Variants in LIN28A observed in about 807,000 individuals in gnomAD.
LIN28A encodes protein lin-28 homolog A.
In LIN28A, 11 loss-of-function variants were observed where a neutral mutation model predicts 21.1. The ratio of observed to expected loss-of-function variants is 0.52; its 90% CI spans 0.33 to 0.86. The LOEUF is 0.86. Ranked by LOEUF, LIN28A falls within the 40% of genes least tolerant of loss-of-function variation. The pLI, the probability that LIN28A is intolerant of heterozygous loss-of-function variation, is 0.03. For missense variants in LIN28A, 219 were observed against 279.8 expected, an observed-to-expected ratio of 0.78 and a Z score of 1.55; for synonymous variants, 111 against 108.7, an observed-to-expected ratio of 1.02 and a Z score of -0.13.
At chr1:26,416,540 T>C (rs370212892) in intron 2 of LIN28A, among the ~76,000 whole-genome samples, 1 of 152,180 alleles carries the variant, frequency 6.6e-6, no homozygotes, top group East Asian at 1.9e-4. Flanking sequence ...ACTGGCCACA[T>C]AGTCAGAGTG....
chr1:26,414,955 T>G (rs2074984493), intron 2 of LIN28A, among the ~76,000 whole-genome samples: 1 of 152,172 alleles, frequency 6.6e-6, no homozygotes, highest in Non-Finnish European at 1.5e-5. Flanking sequence ...TCATCAAGAA[T>G]TCAAAAATCC....
chr1:26,423,413 CTTTT>C (rs1202952934), intron 2 of LIN28A, among the ~76,000 whole-genome samples: 28 of 78,816 alleles, frequency 3.6e-4, no homozygotes, highest in African/African-American at 1.2e-3. Context: ...TTTTCTTTTT[CTTTT>C]TTTTTTTTTT....
chr1:26,414,075 C>T (rs551320915), intron 2 of LIN28A, among the ~76,000 whole-genome samples: 4 of 152,058 alleles, frequency 2.6e-5, no homozygotes, highest in South Asian at 2.1e-4. Flanking sequence ...ATGATCCGCC[C>T]GCCTTGGCCT....
intron 2 of LIN28A, among the ~76,000 whole-genome samples, chr1:26,423,354 T>G (rs1194905548): frequency 6.6e-6 from 1 of 151,504 alleles, no homozygotes; most frequent in Non-Finnish European, 1.5e-5. Flanking sequence ...CCTATTCTGT[T>G]TGTTTGGTTT....
At position 26,411,003 on chromosome 1, in the gene LIN28A, G is replaced by A; in HGVS notation, c.31+81G>A. 1.3e-6 allele frequency: 2 copies of A among 1,530,096 alleles called. No homozygotes were observed. The highest frequency in any genetic ancestry group is 8.8e-7 in the Non-Finnish European group (1 of 1,135,308). 94.8% of individuals were successfully genotyped at this position (1,530,096 alleles called of 1,614,324 possible). A position where few individuals can be genotyped will look rare whatever the true frequency, so the allele number is the denominator to read the frequency against. On this transcript the variant is annotated intron_variant, in intron 1 of 3. Coordinates refer to ENST00000326279, the MANE Select transcript of LIN28A (RefSeq NM_024674.6). This position sits in a 1 kb window ranked among gnomAD's most constrained non-coding sequence, Gnocchi z 5.4. ...ACGTAGAAGGGAGGTGGGGAACTGAGTCCTAGGCTGCCCAAAGGACCCCAA... is the reference window on the plus strand; with the variant it reads ...ACGTAGAAGGGAGGTGGGGAACTGAATCCTAGGCTGCCCAAAGGACCCCAA...
chr1:26,410,844 A>G lies in LIN28A; in HGVS notation c.-48A>G, dbSNP rs201666290. On this transcript the variant is annotated 5_prime_UTR_variant, in exon 1 of 4. Transcript: ENST00000326279. Reference sequence around the variant, plus strand: ...TTTGCCTTCGGACTTCTCCGGGGCCAGCAGCCGCCCGACCAGGGGCCCGGG... The same window carrying G: ...TTTGCCTTCGGACTTCTCCGGGGCCGGCAGCCGCCCGACCAGGGGCCCGGG... 1 of 1,606,422 alleles carries G rather than the reference A, an allele frequency of 6.2e-7. No homozygotes were observed. The highest frequency in any genetic ancestry group is 1.7e-4 in the Middle Eastern group (1 of 5,968).
intron 2 of LIN28A, among the ~76,000 whole-genome samples, chr1:26,415,107 A>G (rs1194214073): frequency 6.6e-6 from 1 of 152,208 alleles, no homozygotes; most frequent in African/African-American, 2.4e-5. Context: ...ATATGTTTCA[A>G]TCTCAAATAT....
intron 2 of LIN28A, among the ~76,000 whole-genome samples, chr1:26,412,003 GGAGA>G (rs1376841652): frequency 6.6e-6 from 1 of 152,232 alleles, no homozygotes. Context: ...TCAGAAGGCG[GGAGA>G]GAGTGAGGGC....
Position 26,411,300 on chromosome 1 carries a change from G to C in LIN28A, c.32-86G>C. On this transcript the variant is annotated intron_variant, in intron 1 of 3. Transcript: ENST00000326279. The surrounding 1 kb of genome is among the most constrained non-coding windows in gnomAD (Gnocchi z 5.4). ...TCCTGGCTGTCCACTTGTGGGGCTG[G>C]ATACTCGGGTCTCCCTGCCTGGGGC... 3 of 1,303,096 alleles carry C rather than the reference G, an allele frequency of 2.3e-6. No individual in the cohort carries two copies. The highest frequency in any genetic ancestry group is 3.1e-6 in the Non-Finnish European group (3 of 976,376). 80.7% of individuals were successfully genotyped at this position (1,303,096 alleles called of 1,614,324 possible).
At chr1:26,421,687 C>G (rs1422618898) in intron 2 of LIN28A, among the ~76,000 whole-genome samples, 3 of 152,082 alleles carry the variant, frequency 2.0e-5, no homozygotes, top group Non-Finnish European at 4.4e-5. Flanking sequence ...AATTATTTTT[C>G]TTACCTATTG....
At chr1:26,413,682 G>A (rs2074975061) in intron 2 of LIN28A, among the ~76,000 whole-genome samples, 1 of 152,106 alleles carries the variant, frequency 6.6e-6, no homozygotes, top group African/African-American at 2.4e-5. Context: ...AATTCCCTGA[G>A]CCTTTACCTG....
intron 2 of LIN28A, among the ~76,000 whole-genome samples, chr1:26,418,766 C>T (rs1008440994): frequency 6.6e-6 from 1 of 152,058 alleles, no homozygotes; most frequent in Non-Finnish European, 1.5e-5. Flanking sequence ...TTGGTTCTAT[C>T]CATGAAGTGG....
rs771222348 is a variant in LIN28A, at chr1:26,411,430, G to T, written c.76G>T (p.Glu26Ter). ...AGAAGAGGCGCCCGAGGAGGCGCCG[G>T]AGGACGCGGCCCGGGCGGCGGACGA... ...AAEEAPEEAP[E>*]DAARAADEPQ... Residue 26 changes from glutamate to a stop codon, truncating the protein, a stop_gained, in exon 2 of 4, where the codon GAG (glutamate) becomes TAG (stop). Transcript: ENST00000326279. LOFTEE classifies it high-confidence loss of function. The surrounding 1 kb of genome is among the most constrained non-coding windows in gnomAD (Gnocchi z 5.4). 1 of 1,607,212 alleles carries T rather than the reference G, an allele frequency of 6.2e-7. No homozygotes were observed. Among genetic ancestry groups the T allele is most frequent in the African/African-American group, 1.3e-5 (1 of 74,856 alleles).
At chr1:26,414,938 C>T (rs765670674) in intron 2 of LIN28A, among the ~76,000 whole-genome samples, 69 of 152,140 alleles carry the variant, frequency 4.5e-4, no homozygotes, top group Non-Finnish European at 7.6e-4. Context: ...AACTATTTTC[C>T]TGAGATTCAT....
rs2075067082 is a variant in LIN28A, at chr1:26,427,532, C to G, written c.*1074C>G. On this transcript the variant is annotated 3_prime_UTR_variant, in exon 4 of 4. Coordinates refer to ENST00000326279, the MANE Select transcript of LIN28A (RefSeq NM_024674.6). ...TTAGTCTAAACAGGAAATGGTGGTACACAGAGGCTAGGAGAGGCTGGGCCC... is the reference window on the plus strand; with the variant it reads ...TTAGTCTAAACAGGAAATGGTGGTAGACAGAGGCTAGGAGAGGCTGGGCCC... The G allele has an allele frequency of 6.6e-6, 1 of 152,574 alleles. No homozygotes were observed. The highest frequency in any genetic ancestry group is 6.5e-5 in the Admixed American group (1 of 15,276). 9.5% of individuals were successfully genotyped at this position (152,574 alleles called of 1,614,324 possible). A position where few individuals can be genotyped will look rare whatever the true frequency, so the allele number is the denominator to read the frequency against.
rs753525399 is a variant in LIN28A at position 26,411,555 on chromosome 1, C to A, written c.201C>A (p.Asp67Glu). Residue 67 changes from aspartate to glutamate, a missense_variant, in exon 2 of 4, where the codon GAC becomes GAA. Asp to Glu is a conservative substitution (Grantham distance 45, BLOSUM62 2). This residue lies in a region of LIN28A where 124 missense variants were observed against 193.1 expected (regional missense o/e 0.64). Coordinates refer to ENST00000326279, the MANE Select transcript of LIN28A (RefSeq NM_024674.6). This position sits in a 1 kb window ranked among gnomAD's most constrained non-coding sequence, Gnocchi z 5.4. ...SMTARAGVAL[D>E]PPVDVFVHQS... Reference sequence around the variant, plus strand: ...CCGCCCGCGCCGGGGTCGCGCTCGACCCCCCAGTGGATGTCTTTGTGCACC... The same window carrying A: ...CCGCCCGCGCCGGGGTCGCGCTCGAACCCCCAGTGGATGTCTTTGTGCACC... The A allele has an allele frequency of 6.2e-7, 1 of 1,613,642 alleles. No individual in the cohort carries two copies. The highest frequency in any genetic ancestry group is 8.5e-7 in the Non-Finnish European group (1 of 1,179,850).
Position 26,411,492 on chromosome 1 carries a change from G to A in LIN28A, c.138G>A (p.Trp46Ter). 1.2e-6 allele frequency: 2 copies of A among 1,614,120 alleles called. No individual in the cohort carries two copies. Among genetic ancestry groups the A allele is most frequent in the South Asian group, 1.1e-5 (1 of 91,090 alleles). Residue 46 changes from tryptophan to a stop codon, truncating the protein, a stop_gained, in exon 2 of 4, where the codon TGG becomes TGA. Transcript: ENST00000326279. LOFTEE classifies it high-confidence loss of function. The surrounding 1 kb of genome is among the most constrained non-coding windows in gnomAD (Gnocchi z 5.4). ...QLLHGAGICK[W>*]FNVRMGFGFL... ...TGCACGGTGCGGGCATCTGTAAGTG[G>A]TTCAACGTGCGCATGGGGTTCGGCT...
chr1:26,420,601 CAAAAAAA>C (rs10643062), intron 2 of LIN28A, among the ~76,000 whole-genome samples: 2 of 129,220 alleles, frequency 1.5e-5, no homozygotes, highest in Non-Finnish European at 3.2e-5. Flanking sequence ...AAGACTTTCT[CAAAAAAA>C]AAAAAAAAAA....
At chr1:26,412,328 G>T (rs570431781) in intron 2 of LIN28A, among the ~76,000 whole-genome samples, 1 of 152,264 alleles carries the variant, frequency 6.6e-6, no homozygotes, top group African/African-American at 2.4e-5. Context: ...CAGGGCAGGG[G>T]GTGAAGGGAG....
Sources: allele counts gnomAD v4.1 joint callset (sites outside exome capture counted in the v4.1 genomes callset), GRCh38; gene constraint gnomAD v4.1.1; regional missense constraint gnomAD v4.1.1; non-coding constraint Gnocchi (gnomAD v3.1); transcripts MANE v1.5; gene names NCBI Gene and HGNC (gene_info 2026-07-23, HGNC 2026-07-21).